The following PLBD1 variants were observed in gnomAD, a reference collection of about 807,000 sequenced individuals.
The protein encoded by PLBD1 is phospholipase B domain containing 1.
A neutral mutation model predicts 63.0 loss-of-function variants in PLBD1; 60 were observed. The observed-to-expected ratio is 0.95, with a 90% confidence interval of 0.77 to 1.18. The LOEUF is 1.18. Ranked by LOEUF, PLBD1 falls within the 50% of genes most tolerant of loss-of-function variation. The pLI, the probability that PLBD1 is intolerant of heterozygous loss-of-function variation, is 0.00. For synonymous variants in PLBD1, 262 were observed against 248.0 expected, an observed-to-expected ratio of 1.06 and a Z score of -0.53; for missense variants, 598 against 677.9, an observed-to-expected ratio of 0.88 and a Z score of 1.31.
chr12:14,545,228 C>T (rs888889004), intron 2 of PLBD1, among the ~76,000 whole-genome samples: 2 of 152,192 alleles, frequency 1.3e-5, no homozygotes, highest in Admixed American at 6.5e-5. Flanking sequence ...AATCTGTAGG[C>T]TAGGACTTAC....
At chr12:14,504,502 T>C (rs895246068) in intron 10 of PLBD1, among the ~76,000 whole-genome samples, 7 of 152,244 alleles carry the variant, frequency 4.6e-5, no homozygotes, top group African/African-American at 1.7e-4. Flanking sequence ...ATTACTCATA[T>C]TCAGAATTCT....
chr12:14,555,718 G>C (rs1452369672), intron 1 of PLBD1, among the ~76,000 whole-genome samples: 2 of 152,124 alleles, frequency 1.3e-5, no homozygotes, highest in Non-Finnish European at 2.9e-5. Flanking sequence ...CTTTGCAGAT[G>C]CTATTTTTTC....
chr12:14,507,466 A>G (rs1164477751), intron 8 of PLBD1, among the ~76,000 whole-genome samples: 2 of 152,194 alleles, frequency 1.3e-5, no homozygotes, highest in Non-Finnish European at 1.5e-5. Context: ...GAGCTCATCT[A>G]AGTGGATTTA....
At chr12:14,566,202 GAAGTAGACACC>G (rs1217510971) in intron 1 of PLBD1, among the ~76,000 whole-genome samples, 2 of 152,178 alleles carry the variant, frequency 1.3e-5, no homozygotes, top group Non-Finnish European at 2.9e-5. Context: ...CCCTAGACTA[GAAGTAGACACC>G]AAGGCCACCT....
chr12:14,557,488 G>C (rs1945714966), intron 1 of PLBD1, among the ~76,000 whole-genome samples: 1 of 151,990 alleles, frequency 6.6e-6, no homozygotes, highest in Non-Finnish European at 1.5e-5. Flanking sequence ...CCATAAAAAA[G>C]GATAAAATAA....
chr12:14,524,565 A>G lies in PLBD1; in HGVS notation c.844+11094T>C, dbSNP rs565701015. The stretch of plus-strand genomic sequence containing the variant: ...ACTACAGTTAACAATATTGTGTTAC[A>G]TATTTCAAAATAACTATAAAAGAGG... On this transcript the variant is annotated intron_variant, in intron 6 of 10. Transcript: ENST00000240617. Among the ~76,000 whole-genome samples the G allele has an allele frequency of 1.2e-4, 19 of 152,368 alleles. No individual in the cohort carries two copies. In the South Asian group the frequency reaches 3.5e-3, roughly 28 times the overall value.
intron 8 of PLBD1, among the ~76,000 whole-genome samples, chr12:14,509,034 T>C (rs1183880398): frequency 6.8e-6 from 1 of 147,180 alleles, no homozygotes; most frequent in Non-Finnish European, 1.5e-5. Flanking sequence ...CTATATGATA[T>C]CATGTATTTG....
chr12:14,554,046 G>A (rs1945681791), intron 1 of PLBD1: 1 of 153,280 alleles, frequency 6.5e-6, no homozygotes, highest in South Asian at 2.0e-4. Context: ...CCCTTAACAG[G>A]TGGAACAAAA....
At chr12:14,560,830 T>C (rs950233284) in intron 1 of PLBD1, among the ~76,000 whole-genome samples, 2 of 152,090 alleles carry the variant, frequency 1.3e-5, no homozygotes, top group African/African-American at 4.8e-5. Flanking sequence ...GAACACCGAT[T>C]GAAGGGTGCA....
At chr12:14,536,841 C>T (rs34400133) in intron 4 of PLBD1, 131 bp from the exon 5 acceptor site, 46 of 1,254,498 alleles carry the variant, frequency 3.7e-5, no homozygotes, top group South Asian at 2.6e-4. Context: ...GTAATCCCAG[C>T]ACTTTGGGAG....
intron 6 of PLBD1, among the ~76,000 whole-genome samples, chr12:14,534,543 CTTT>C (rs1286445435): frequency 2.9e-5 from 4 of 137,808 alleles, no homozygotes; most frequent in Admixed American, 1.4e-4. Context: ...CTTTTCTTTT[CTTT>C]TTTTTTTTTT....
chr12:14,542,257 G>C lies in PLBD1; in HGVS notation c.370C>G (p.Gln124Glu), dbSNP rs772067217. ...MNDHYTNLYP[Q>E]LITKPSIMDK... ...ATGATGGAAGGTTTCGTGATCAGCT[G>C]TGGGTAGAGGTTTGTGTAGTGGTCA... The change falls in exon 3 of 11, where the codon CAG becomes GAG. Residue 124 changes from glutamine (Q) to glutamate (E), a missense_variant. Coordinates refer to ENST00000240617, the MANE Select transcript of PLBD1 (RefSeq NM_024829.6). 5.0e-6 allele frequency: 8 copies of C among 1,610,956 alleles called. No homozygotes were observed. In the Admixed American group the frequency reaches 1.3e-4, roughly 27 times the overall value.
intron 5 of PLBD1, 41 bp downstream of exon 5, chr12:14,536,529 G>A (rs747294625): frequency 6.2e-7 from 1 of 1,605,606 alleles, no homozygotes; most frequent in Non-Finnish European, 8.5e-7. Context: ...GAAAAAGTCT[G>A]TATGAACCAG....
Position 14,507,133 on chromosome 12 carries a change from A to C in PLBD1, c.1187-15T>G. 1 of 1,558,476 alleles carries C rather than the reference A, an allele frequency of 6.4e-7. No homozygotes were observed. The highest frequency in any genetic ancestry group is 8.8e-7 in the Non-Finnish European group (1 of 1,134,296). ...GGGCCAATATCCTGATTTGGAATGG[A>C]AGGGAAGTAAGGGAGGGATTGACAG... is the stretch of plus-strand genomic sequence containing the variant. On this transcript the variant is annotated splice_polypyrimidine_tract_variant and intron_variant, in intron 8 of 10. Coordinates refer to ENST00000240617, the MANE Select transcript of PLBD1 (RefSeq NM_024829.6).
At chr12:14,564,450 G>A (rs969997345) in intron 1 of PLBD1, among the ~76,000 whole-genome samples, 1 of 152,178 alleles carries the variant, frequency 6.6e-6, no homozygotes, top group African/African-American at 2.4e-5. Context: ...CAGTGGAGGG[G>A]CACTCTCTCG....
At chr12:14,529,810 G>A (rs1189260694) in intron 6 of PLBD1, among the ~76,000 whole-genome samples, 4 of 152,064 alleles carry the variant, frequency 2.6e-5, no homozygotes, top group African/African-American at 7.2e-5. Context: ...ACATACAAGG[G>A]ATGGAAGAAG....
chr12:14,565,891 T>G (rs1945776665), intron 1 of PLBD1, among the ~76,000 whole-genome samples: 1 of 152,170 alleles, frequency 6.6e-6, no homozygotes, highest in Admixed American at 6.5e-5. Flanking sequence ...AGAAATGTCC[T>G]TACTTTCTGC....
chr12:14,541,946 A>C (rs1042487366), intron 3 of PLBD1, among the ~76,000 whole-genome samples: 2 of 152,184 alleles, frequency 1.3e-5, no homozygotes, highest in African/African-American at 2.4e-5. Context: ...GGTACTTTAC[A>C]CTGGTGATGT....
intron 4 of PLBD1, among the ~76,000 whole-genome samples, chr12:14,537,088 CAAAAAAA>C (rs371859037): frequency 3.7e-5 from 2 of 53,426 alleles, no homozygotes; most frequent in African/African-American, 6.2e-5. Flanking sequence ...GACCGCATCT[CAAAAAAA>C]AAAAAAAAAA....
Sources: gnomAD v4.1 joint callset for allele counts (sites outside exome capture counted in the v4.1 genomes callset) on GRCh38, gnomAD v4.1.1 for gene constraint, MANE v1.5 for transcripts, NCBI Gene and HGNC (gene_info 2026-07-23, HGNC 2026-07-21) for gene names.